Variants in SV2B observed in about 807,000 individuals in gnomAD.
SV2B encodes synaptic vesicle glycoprotein 2B.
Under a neutral mutation model 73.9 loss-of-function variants are expected in SV2B, and 41 were observed. The ratio of observed to expected loss-of-function variants is 0.56; its 90% CI spans 0.43 to 0.72. SV2B has a LOEUF of 0.72. Among genes scored for constraint, SV2B ranks in the 30% least tolerant of loss-of-function variants. SV2B has a pLI of 0.00. For missense variants in SV2B, 764 were observed against 857.8 expected (o/e 0.89, Z 1.37); for synonymous variants, 314 against 314.2 (o/e 1.00, Z 0.01).
In SV2B at chr15:91,115,273, C is replaced by T. The variant is rs1215307240; in HGVS notation, c.-392+14910C>T. Among the ~76,000 whole-genome samples, 1 of 152,218 alleles carries T rather than the reference C, an allele frequency of 6.6e-6. No homozygotes were observed. The highest frequency in any genetic ancestry group is 1.9e-4 in the East Asian group (1 of 5,202). On this transcript the variant is annotated intron_variant, in intron 1 of 12. Coordinates refer to ENST00000394232, the MANE Select transcript of SV2B (RefSeq NM_001323032.3). This position sits in a 1 kb window ranked among gnomAD's most constrained non-coding sequence, Gnocchi z 4.3. ...AGGCGAAACCCACAGACGTCCACCA[C>T]ACACACTGAGCTGGCTTCTGTTGCT...
intron 1 of SV2B, among the ~76,000 whole-genome samples, chr15:91,217,868 G>A (rs2046087613): frequency 6.6e-6 from 1 of 152,218 alleles, no homozygotes; most frequent in South Asian, 2.1e-4. Context: ...TTTATGGCAG[G>A]GATGGGACTA....
rs1354976674 is a variant in SV2B, at chr15:91,245,114, C to G, written c.452-6705C>G. 6.6e-6 allele frequency among the ~76,000 whole-genome samples: 1 copy of G among 152,200 alleles called. No homozygotes were observed. Among genetic ancestry groups the G allele is most frequent in the East Asian group, 1.9e-4 (1 of 5,194 alleles). The stretch of plus-strand genomic sequence containing the variant: ...CTGATGGTACATCTTATCCTGCTGC[C>G]TCTGGTGTGGAGAGGAAATCTTCTG... On this transcript the variant is annotated intron_variant, in intron 2 of 12. Transcript: ENST00000394232. The surrounding 1 kb of genome is among the most constrained non-coding windows in gnomAD (Gnocchi z 4.2).
In SV2B at chr15:91,290,569, G is replaced by T. The variant is rs79707222; in HGVS notation, c.1868+889G>T. On this transcript the variant is annotated intron_variant, in intron 12 of 12. Coordinates refer to ENST00000394232, the MANE Select transcript of SV2B (RefSeq NM_001323032.3). The surrounding 1 kb of genome is among the most constrained non-coding windows in gnomAD (Gnocchi z 4.7). ...GTGGTCAGGTGGTCAGTAATAAAAC[G>T]AAATTATGTATAGGTTTTAAAATAT... Among the ~76,000 whole-genome samples the T allele has an allele frequency of 1.2e-3, 178 of 152,218 alleles. 3 individuals are homozygous for T. In the East Asian group the frequency reaches 0.032, roughly 28 times the overall value.
intron 1 of SV2B, among the ~76,000 whole-genome samples, chr15:91,150,407 A>G (rs986073003): frequency 1.3e-5 from 2 of 152,208 alleles, no homozygotes; most frequent in African/African-American, 4.8e-5. Flanking sequence ...TGCTGGGCTG[A>G]ACCATATTCT....
At chr15:91,167,292 C>G (rs2043950644) in intron 1 of SV2B, among the ~76,000 whole-genome samples, 1 of 151,924 alleles carries the variant, frequency 6.6e-6, no homozygotes, top group South Asian at 2.1e-4. Flanking sequence ...TATATTTTCC[C>G]AGTTTTTTGG....
At chr15:91,254,843 C>A (rs75023385) in intron 4 of SV2B, among the ~76,000 whole-genome samples, 2 of 152,180 alleles carry the variant, frequency 1.3e-5, no homozygotes, top group Non-Finnish European at 2.9e-5. Flanking sequence ...ATTAGCAATA[C>A]GAGGCTTTCT....
rs975396904 is a variant in SV2B, at chr15:91,227,020, A to G, written c.451+306A>G. 1.2e-4 allele frequency among the ~76,000 whole-genome samples: 18 copies of G among 152,296 alleles called. No homozygotes were observed. The highest frequency in any genetic ancestry group is 1.0e-3 in the Admixed American group (16 of 15,300). On this transcript the variant is annotated intron_variant, in intron 2 of 12. Transcript: ENST00000394232. The surrounding 1 kb of genome is among the most constrained non-coding windows in gnomAD (Gnocchi z 4.5). ...AAACCTTCTTCGATGTCCAAATGAC[A>G]AATACATTTTGGGAGTGGCAAATGT...
At chr15:91,181,311 G>T (rs928537683) in intron 1 of SV2B, among the ~76,000 whole-genome samples, 1 of 129,682 alleles carries the variant, frequency 7.7e-6, no homozygotes, top group East Asian at 4.0e-4. Context: ...CTACTGGGGG[G>T]TGCCTCCCAG....
intron 1 of SV2B, among the ~76,000 whole-genome samples, chr15:91,101,273 A>G (rs967097077): frequency 6.6e-5 from 10 of 151,968 alleles, no homozygotes; most frequent in Non-Finnish European, 1.3e-4. Context: ...AGGACTGGGC[A>G]CTGTAGTCGG....
chr15:91,159,719 A>G (rs2043642345), intron 1 of SV2B, among the ~76,000 whole-genome samples: 1 of 152,196 alleles, frequency 6.6e-6, no homozygotes, highest in Non-Finnish European at 1.5e-5. Flanking sequence ...CCATGAAAAT[A>G]AATGATTTGA....
At chr15:91,150,287 G>A (rs1003003716) in intron 1 of SV2B, among the ~76,000 whole-genome samples, 3 of 152,094 alleles carry the variant, frequency 2.0e-5, no homozygotes, top group Non-Finnish European at 4.4e-5. Flanking sequence ...GATTACAGAC[G>A]TGAGCCACCA....
At position 91,136,004 on chromosome 15, in the gene SV2B, A is replaced by G. The variant is rs1233318415; in HGVS notation, c.-392+35641A>G. On this transcript the variant is annotated intron_variant, in intron 1 of 12. Transcript: ENST00000394232. The surrounding 1 kb of genome is among the most constrained non-coding windows in gnomAD (Gnocchi z 5.6). ...GCTTTCTCCCACTGCCTCTTCCCCA[A>G]CACACACACTTGATTTTTTTTTTGG... 6.6e-6 allele frequency among the ~76,000 whole-genome samples: 1 copy of G among 152,102 alleles called. No homozygotes were observed. Among genetic ancestry groups the G allele is most frequent in the Non-Finnish European group, 1.5e-5 (1 of 68,024 alleles).
At chr15:91,192,031 G>A (rs1316221180) in intron 1 of SV2B, among the ~76,000 whole-genome samples, 5 of 152,038 alleles carry the variant, frequency 3.3e-5, no homozygotes, top group African/African-American at 9.7e-5. Context: ...ATATATTAGC[G>A]TGTTCTTACC....
In SV2B at chr15:91,267,534, C is replaced by T; in HGVS notation, c.1120-21C>T. On this transcript the variant is annotated intron_variant, in intron 7 of 12. Coordinates refer to ENST00000394232, the MANE Select transcript of SV2B (RefSeq NM_001323032.3). This position sits in a 1 kb window ranked among gnomAD's most constrained non-coding sequence, Gnocchi z 4.3. ...TCACACATTGCTTTCTTTAACAATC[C>T]TTCTCTGGTATGGGTTGTAGGTCTG... The T allele has an allele frequency of 1.3e-6, 2 of 1,599,930 alleles. No individual in the cohort carries two copies. The highest frequency in any genetic ancestry group is 1.7e-6 in the Non-Finnish European group (2 of 1,168,416).
At chr15:91,259,496 C>T (rs183980525) in intron 5 of SV2B, among the ~76,000 whole-genome samples, 85 of 152,304 alleles carry the variant, frequency 5.6e-4, no homozygotes, top group Non-Finnish European at 9.7e-4. Flanking sequence ...GGGAGTTTTG[C>T]ACCCTTGGTT....
chr15:91,184,917 A>G (rs1482497445), intron 1 of SV2B, among the ~76,000 whole-genome samples: 3 of 152,264 alleles, frequency 2.0e-5, no homozygotes, highest in Non-Finnish European at 4.4e-5. Context: ...TAATGATAGT[A>G]TAATGAAATT....
intron 2 of SV2B, among the ~76,000 whole-genome samples, chr15:91,235,131 C>T (rs1049156552): frequency 6.6e-6 from 1 of 152,098 alleles, no homozygotes; most frequent in Admixed American, 6.6e-5. Context: ...GTGGGAGAAC[C>T]CATAGAATGT....
chr15:91,268,741 T>A lies in SV2B; in HGVS notation c.1373+136T>A. On this transcript the variant is annotated intron_variant, in intron 9 of 12. Coordinates refer to ENST00000394232, the MANE Select transcript of SV2B (RefSeq NM_001323032.3). This position sits in a 1 kb window ranked among gnomAD's most constrained non-coding sequence, Gnocchi z 4.4. Reference sequence around the variant, plus strand: ...CAAGGCTGGTGTCATCATCACAACCTGTCATGGCTGCCAGTGACGCCATAG... The same window carrying A: ...CAAGGCTGGTGTCATCATCACAACCAGTCATGGCTGCCAGTGACGCCATAG... 1 of 1,169,590 alleles carries A rather than the reference T, an allele frequency of 8.5e-7. No individual in the cohort carries two copies. The highest frequency in any genetic ancestry group is 1.2e-6 in the Non-Finnish European group (1 of 853,014). The allele number at this position is 1,169,590 out of a possible 1,614,324, so 72.5% of individuals were successfully genotyped here.
Position 91,214,789 on chromosome 15 carries a change from G to A in SV2B, c.-391-11084G>A, listed in dbSNP as rs1228367512. On this transcript the variant is annotated intron_variant, in intron 1 of 12. Transcript: ENST00000394232. The surrounding 1 kb of genome is among the most constrained non-coding windows in gnomAD (Gnocchi z 4.7). The stretch of plus-strand genomic sequence containing the variant: ...AGTGTTCCCCAAACAGTTGTGGGGG[G>A]TGTGCTTGACTCCTTAGTCCATGGC... 6.6e-6 allele frequency among the ~76,000 whole-genome samples: 1 copy of A among 152,212 alleles called. No homozygotes were observed. The highest frequency in any genetic ancestry group is 2.1e-4 in the South Asian group (1 of 4,830).
Sources: allele counts gnomAD v4.1 joint callset (sites outside exome capture counted in the v4.1 genomes callset), GRCh38; gene constraint gnomAD v4.1.1; non-coding constraint Gnocchi (gnomAD v3.1); transcripts MANE v1.5; gene names NCBI Gene and HGNC (gene_info 2026-07-23, HGNC 2026-07-21).